The following GPR149 variants were observed in gnomAD, a reference collection of about 807,000 sequenced individuals.
GPR149 encodes probable G protein-coupled receptor 149.
GPR149 carries 50 observed loss-of-function variants against 50.2 expected under a neutral mutation model. The observed-to-expected ratio is 1.00, with a 90% CI of 0.79 to 1.26. GPR149 has a LOEUF of 1.26. GPR149 is among the 50% of genes most tolerant of loss of function. The pLI, the probability that GPR149 is intolerant of heterozygous loss-of-function variation, is 0.00. For missense variants in GPR149, 983 were observed against 895.4 expected, an observed-to-expected ratio of 1.10 and a Z score of -1.25; for synonymous variants, 405 against 358.2, an observed-to-expected ratio of 1.13 and a Z score of -1.48.
At position 154,352,939 on chromosome 3, in the gene GPR149, G is replaced by A. The variant is rs1714118459; in HGVS notation, c.1624-14668C>T. On this transcript the variant is annotated intron_variant, in intron 3 of 3. Transcript: ENST00000389740. ...TGGATACGGGCCTCAACATCCTGAGGAGGAGAATGTTGAATCACCAGGTCT... is the reference window on the plus strand; with the variant it reads ...TGGATACGGGCCTCAACATCCTGAGAAGGAGAATGTTGAATCACCAGGTCT... 7 of 903,208 alleles carry A rather than the reference G, an allele frequency of 7.8e-6. No individual in the cohort carries two copies. In the East Asian group the frequency reaches 1.7e-4, roughly 22 times the overall value. 55.9% of individuals were successfully genotyped at this position (903,208 alleles called of 1,614,324 possible). A position where few individuals can be genotyped will look rare whatever the true frequency, so the allele number is the denominator to read the frequency against.
chr3:154,340,928 G>T (rs1011937704), intron 3 of GPR149, among the ~76,000 whole-genome samples: 7 of 152,058 alleles, frequency 4.6e-5, no homozygotes, highest in Non-Finnish European at 8.8e-5. Context: ...CACTATGTTG[G>T]CCAGGCTGGT....
intron 3 of GPR149, among the ~76,000 whole-genome samples, chr3:154,385,336 A>G (rs926291129): frequency 1.3e-5 from 2 of 152,340 alleles, no homozygotes; most frequent in South Asian, 2.1e-4. Context: ...CCGGTTGTGA[A>G]CAATAAGAAG....
At chr3:154,409,881 T>G (rs190210293) in intron 3 of GPR149, among the ~76,000 whole-genome samples, 7 of 152,222 alleles carry the variant, frequency 4.6e-5, no homozygotes, top group Non-Finnish European at 2.9e-5. Context: ...AGTCAAAGAA[T>G]ACCTGGGAAA....
At chr3:154,384,612 T>C (rs1715006958) in intron 3 of GPR149, among the ~76,000 whole-genome samples, 1 of 152,194 alleles carries the variant, frequency 6.6e-6, no homozygotes, top group Non-Finnish European at 1.5e-5. Context: ...GCTCCAATCT[T>C]CCTGTTTTTC....
intron 3 of GPR149, among the ~76,000 whole-genome samples, chr3:154,390,591 A>G (rs779054922): frequency 4.6e-5 from 7 of 152,132 alleles, no homozygotes; most frequent in Non-Finnish European, 8.8e-5. Context: ...GTGGACTAAT[A>G]TACACATTAT....
At chr3:154,403,538 G>A (rs1711601313) in intron 3 of GPR149, among the ~76,000 whole-genome samples, 2 of 152,040 alleles carry the variant, frequency 1.3e-5, no homozygotes, top group Admixed American at 6.6e-5. Context: ...AGCATATATA[G>A]CTTTGTTCTT....
intron 3 of GPR149, among the ~76,000 whole-genome samples, chr3:154,346,739 G>A (rs1391522774): frequency 1.3e-5 from 2 of 151,964 alleles, no homozygotes; most frequent in African/African-American, 2.4e-5. Context: ...AGTGTTACAG[G>A]TGTGCCCCAC....
intron 3 of GPR149, among the ~76,000 whole-genome samples, chr3:154,405,276 A>G (rs774297619): frequency 6.6e-6 from 1 of 152,204 alleles, no homozygotes; most frequent in Non-Finnish European, 1.5e-5. Context: ...AGAAAACCTC[A>G]TTTATACTGA....
chr3:154,376,927 T>C (rs572083319), intron 3 of GPR149, among the ~76,000 whole-genome samples: 67 of 152,136 alleles, frequency 4.4e-4, no homozygotes, highest in African/African-American at 1.3e-3. Flanking sequence ...CATAGAATTA[T>C]TTTGAGAATT....
intron 3 of GPR149, chr3:154,352,140 T>C: frequency 2.8e-6 from 2 of 721,996 alleles, no homozygotes; most frequent in East Asian, 5.5e-5. Context: ...AAATATTCAG[T>C]CAAAACTCCA....
chr3:154,353,546 C>G (rs1383141042), intron 3 of GPR149: 1 of 963,350 alleles, frequency 1.0e-6, no homozygotes, highest in African/African-American at 1.6e-5. Flanking sequence ...GGGTTCCAAC[C>G]AAGATGTCAA....
At chr3:154,412,537 C>T (rs1488135516) in intron 3 of GPR149, among the ~76,000 whole-genome samples, 1 of 152,020 alleles carries the variant, frequency 6.6e-6, no homozygotes, top group Non-Finnish European at 1.5e-5. Flanking sequence ...CAACAGAAAC[C>T]AAGCTGAGAA....
chr3:154,368,425 G>A (rs1356186735), intron 3 of GPR149, among the ~76,000 whole-genome samples: 2 of 152,110 alleles, frequency 1.3e-5, no homozygotes, highest in African/African-American at 4.8e-5. Context: ...CCCACCATAG[G>A]GTATGGTCCC....
chr3:154,352,571 T>A (rs1411025381), intron 3 of GPR149: 2 of 775,982 alleles, frequency 2.6e-6, no homozygotes, highest in Admixed American at 3.4e-5. Context: ...CCTCTAGGCT[T>A]TCCAGAGTCA....
chr3:154,406,529 T>C (rs973080922), intron 3 of GPR149, among the ~76,000 whole-genome samples: 29 of 152,218 alleles, frequency 1.9e-4, no homozygotes, highest in African/African-American at 7.0e-4. Flanking sequence ...AGTAGTTAAA[T>C]TGACTATGGT....
At chr3:154,358,781 T>G (rs547263321) in intron 3 of GPR149, among the ~76,000 whole-genome samples, 1 of 152,278 alleles carries the variant, frequency 6.6e-6, no homozygotes, top group East Asian at 1.9e-4. Context: ...AAACACTTAT[T>G]AAGCTCGAAT....
chr3:154,426,007 C>A (rs557690270), intron 2 of GPR149, among the ~76,000 whole-genome samples: 2 of 152,012 alleles, frequency 1.3e-5, no homozygotes, highest in African/African-American at 4.8e-5. Context: ...GTTGTAAGAC[C>A]GGGCTCGTTC....
intron 2 of GPR149, among the ~76,000 whole-genome samples, chr3:154,424,600 C>G (rs1176664707): frequency 6.6e-6 from 1 of 151,660 alleles, no homozygotes; most frequent in African/African-American, 2.4e-5. Context: ...AGATAGAGAT[C>G]TTTCACTGAT....
chr3:154,353,592 G>T (rs1454128248), intron 3 of GPR149: 12 of 1,152,360 alleles, frequency 1.0e-5, no homozygotes, highest in Non-Finnish European at 1.6e-5. Context: ...GCTTTGATAT[G>T]GTATTGCACC....
Sources: allele counts gnomAD v4.1 joint callset (sites outside exome capture counted in the v4.1 genomes callset), GRCh38; gene constraint gnomAD v4.1.1; transcripts MANE v1.5; gene names NCBI Gene and HGNC (gene_info 2026-07-23, HGNC 2026-07-21).